Variants in ZBTB40 observed in about 807,000 individuals in gnomAD.
ZBTB40 encodes zinc finger and BTB domain-containing protein 40.
ZBTB40 carries 60 observed loss-of-function variants against 117.5 expected under a neutral mutation model. That is an observed-to-expected ratio of 0.51 (90% CI 0.41 to 0.63). ZBTB40 has a LOEUF of 0.63. ZBTB40 is among the 30% of genes least tolerant of loss of function. The pLI is 0.00. For missense variants in ZBTB40, 1,287 were observed against 1,498.5 expected (o/e 0.86, Z 2.33); for synonymous variants, 525 against 577.1 (o/e 0.91, Z 1.29).
intron 13 of ZBTB40, among the ~76,000 whole-genome samples, chr1:22,518,973 G>T (rs923463045): frequency 1.6e-4 from 25 of 152,176 alleles, no homozygotes; most frequent in African/African-American, 5.8e-4. Flanking sequence ...TATCATCCGT[G>T]GCAGGCCTAG....
chr1:22,506,157 C>T lies in ZBTB40; in HGVS notation c.1276C>T (p.Leu426Phe). ...GACTGCTGAGGGTTTGGTAAAACTC[C>T]TCCAGGCTGTGAAGACGACTTTCCC... ...TLTAEGLVKL[L>F]QAVKTTFPNL... is the part of the protein sequence containing the mutation. The change falls in exon 6 of 18, where the codon CTC becomes TTC. Residue 426 changes from leucine to phenylalanine, a missense_variant. This residue lies in a region of ZBTB40 where 870 missense variants were observed against 934.4 expected (regional missense o/e 0.93). Transcript: ENST00000375647. 3 of 1,614,158 alleles carry T rather than the reference C, an allele frequency of 1.9e-6. No homozygotes were observed. Among genetic ancestry groups the T allele is most frequent in the Non-Finnish European group, 2.5e-6 (3 of 1,180,030 alleles).
chr1:22,523,023 C>T (rs1454178827), intron 16 of ZBTB40, among the ~76,000 whole-genome samples: 1 of 148,304 alleles, frequency 6.7e-6, no homozygotes, highest in Non-Finnish European at 1.5e-5. Context: ...TCTCGGCTCA[C>T]TGCAAGCTCC....
intron 1 of ZBTB40, chr1:22,452,540 T>C (rs1245454637): frequency 6.6e-6 from 1 of 152,214 alleles, no homozygotes; most frequent in African/African-American, 2.4e-5. Flanking sequence ...TCATTGTTGA[T>C]GTATTGTCTA....
intron 3 of ZBTB40, among the ~76,000 whole-genome samples, chr1:22,501,162 A>T (rs1253586574): frequency 6.6e-6 from 1 of 152,234 alleles, no homozygotes; most frequent in African/African-American, 2.4e-5. Flanking sequence ...AGGAGAAAAA[A>T]AAAATTATAA....
chr1:22,430,061 C>A (rs1297891276), intron 1 of ZBTB40, among the ~76,000 whole-genome samples: 2 of 152,318 alleles, frequency 1.3e-5, no homozygotes, highest in South Asian at 2.1e-4. Context: ...ATCTAAGTAT[C>A]TTTTATTTAA....
chr1:22,514,228 A>T (rs1195039352), intron 12 of ZBTB40, among the ~76,000 whole-genome samples: 1 of 152,226 alleles, frequency 6.6e-6, no homozygotes, highest in Non-Finnish European at 1.5e-5. Context: ...ATTTCTTTAT[A>T]AATTATAAGG....
At chr1:22,453,711 G>A (rs1412556542) in intron 1 of ZBTB40, among the ~76,000 whole-genome samples, 1 of 152,080 alleles carries the variant, frequency 6.6e-6, no homozygotes, top group Non-Finnish European at 1.5e-5. Flanking sequence ...AGAGATGTTC[G>A]AGGTTACATA....
At position 22,508,748 on chromosome 1, in the gene ZBTB40, C is replaced by A. The variant is rs376114920; in HGVS notation, c.1699+17C>A. 8.1e-6 allele frequency: 13 copies of A among 1,611,728 alleles called. No individual in the cohort carries two copies. The highest frequency in any genetic ancestry group is 1.1e-5 in the Non-Finnish European group (13 of 1,179,462). ...TCCGGGCAGGTAAGTTACCTGCCCT[C>A]TGGGGGGGTTTTGCCCCCACTAGAG... On this transcript the variant is annotated intron_variant, in intron 8 of 17. Coordinates refer to ENST00000375647, the MANE Select transcript of ZBTB40 (RefSeq NM_014870.4).
In ZBTB40 at chr1:22,512,108, G is replaced by A; in HGVS notation, c.2435G>A (p.Cys812Tyr). 1 of 1,613,422 alleles carries A rather than the reference G, an allele frequency of 6.2e-7. No individual in the cohort carries two copies. The highest frequency in any genetic ancestry group is 8.5e-7 in the Non-Finnish European group (1 of 1,180,032). Residue 812 changes from cysteine (C) to tyrosine (Y), a missense_variant, in exon 11 of 18, where the codon TGT becomes TAT. Coordinates refer to ENST00000375647, the MANE Select transcript of ZBTB40 (RefSeq NM_014870.4). Reference protein sequence around the residue: ...KKRLPVTCDLCGREFAHASGM... With the variant: ...KKRLPVTCDLYGREFAHASGM... The stretch of plus-strand genomic sequence containing the variant: ...AGGCTTCCAGTGACATGTGACCTCT[G>A]TGGCAGAGAATTTGCCCATGCCTCA...
intron 4 of ZBTB40, 108 bp from the exon 5 acceptor site, chr1:22,502,191 G>A: frequency 1.5e-6 from 2 of 1,340,146 alleles, no homozygotes; most frequent in Non-Finnish European, 2.1e-6. Flanking sequence ...CTCAGAATAA[G>A]CTGAAAATCA....
Position 22,528,163 on chromosome 1 carries a change from C to A in ZBTB40, c.*1767C>A, listed in dbSNP as rs369261541. On this transcript the variant is annotated 3_prime_UTR_variant, in exon 18 of 18. Coordinates refer to ENST00000375647, the MANE Select transcript of ZBTB40 (RefSeq NM_014870.4). ...GGCTGTGCCTGTATTAAGGCTTTTC[C>A]GTCCTGGGAACTGTCAGTCTGGGAG... The A allele has an allele frequency of 6.5e-6, 1 of 152,732 alleles. No homozygotes were observed. Among genetic ancestry groups the A allele is most frequent in the Non-Finnish European group, 1.5e-5 (1 of 68,054 alleles). 9.5% of individuals were successfully genotyped at this position (152,732 alleles called of 1,614,324 possible).
chr1:22,476,322 T>G lies in ZBTB40; in HGVS notation c.-69-13558T>G, dbSNP rs1641547778. 2.6e-5 allele frequency among the ~76,000 whole-genome samples: 4 copies of G among 152,154 alleles called. No individual in the cohort carries two copies. In the South Asian group the frequency reaches 8.3e-4, roughly 32 times the overall value. On this transcript the variant is annotated intron_variant, in intron 1 of 17. Coordinates refer to ENST00000375647, the MANE Select transcript of ZBTB40 (RefSeq NM_014870.4). ...GCAACCTCTGCCTCCCAGGTTCAAG[T>G]GATCCCCCACCTCAGCCTCCCGAGT...
chr1:22,523,493 T>C (rs1431551154), intron 16 of ZBTB40, among the ~76,000 whole-genome samples: 1 of 152,222 alleles, frequency 6.6e-6, no homozygotes, highest in East Asian at 1.9e-4. Context: ...CAAGCATGTT[T>C]TTCCACACAG....
intron 1 of ZBTB40, among the ~76,000 whole-genome samples, chr1:22,473,680 AC>A (rs1641469874): frequency 6.6e-6 from 1 of 152,182 alleles, no homozygotes; most frequent in South Asian, 2.1e-4. Context: ...TGGCTCACTG[AC>A]CAGTTCCCTC....
At chr1:22,521,789 C>T (rs977723325) in intron 15 of ZBTB40, 131 bp downstream of exon 15, 14 of 1,322,486 alleles carry the variant, frequency 1.1e-5, no homozygotes, top group Middle Eastern at 2.4e-4. Context: ...TCTGCCCCAG[C>T]GCACCTGTCC....
chr1:22,441,097 C>T (rs1640726420), intron 1 of ZBTB40, among the ~76,000 whole-genome samples: 1 of 152,088 alleles, frequency 6.6e-6, no homozygotes, highest in Admixed American at 6.6e-5. Flanking sequence ...CCTGTAAAGC[C>T]ATTTGGTCCA....
intron 1 of ZBTB40, among the ~76,000 whole-genome samples, chr1:22,435,209 C>T (rs189927417): frequency 1.7e-3 from 263 of 152,162 alleles, no homozygotes; most frequent in Admixed American, 3.3e-3. Flanking sequence ...CTATGTTGCC[C>T]AGGCTGGTTT....
At chr1:22,469,860 T>G (rs1189802430) in intron 1 of ZBTB40, among the ~76,000 whole-genome samples, 1 of 152,152 alleles carries the variant, frequency 6.6e-6, no homozygotes, top group Non-Finnish European at 1.5e-5. Context: ...CTAGTGGCAG[T>G]GGATTGGGAA....
chr1:22,486,025 G>C (rs1338674642), intron 1 of ZBTB40, among the ~76,000 whole-genome samples: 1 of 151,822 alleles, frequency 6.6e-6, no homozygotes, highest in Non-Finnish European at 1.5e-5. Context: ...TGCTAATTCG[G>C]ACATTCTTGC....
Sources: gnomAD v4.1 joint callset for allele counts (sites outside exome capture counted in the v4.1 genomes callset) on GRCh38, gnomAD v4.1.1 for gene constraint, gnomAD v4.1.1 regional missense constraint, MANE v1.5 for transcripts, NCBI Gene and HGNC (gene_info 2026-07-23, HGNC 2026-07-21) for gene names.